The following IMMP2L variants were observed in gnomAD, a reference collection of about 807,000 sequenced individuals.
IMMP2L encodes inner mitochondrial membrane peptidase subunit 2.
IMMP2L carries 18 observed loss-of-function variants against 19.3 expected under a neutral mutation model. That is an observed-to-expected ratio of 0.93 (90% confidence interval 0.64 to 1.38). The LOEUF (loss-of-function observed/expected upper bound fraction) is 1.38, where lower values mean the gene tolerates loss of function less well. Ranked by LOEUF, IMMP2L falls within the 40% of genes most tolerant of loss-of-function variation. The pLI is 0.00. For missense variants in IMMP2L, 233 were observed against 218.2 expected, an observed-to-expected ratio of 1.07 and a Z score of -0.43; for synonymous variants, 76 against 73.0, an observed-to-expected ratio of 1.04 and a Z score of -0.21.
intron 3 of IMMP2L, among the ~76,000 whole-genome samples, chr7:111,103,481 A>G (rs372790740): frequency 6.6e-6 from 1 of 151,800 alleles, no homozygotes; most frequent in South Asian, 2.1e-4. Flanking sequence ...AGCGTGATAC[A>G]TTTTTAGAAT....
chr7:111,052,006 T>C (rs1793050754), intron 3 of IMMP2L, among the ~76,000 whole-genome samples: 1 of 152,196 alleles, frequency 6.6e-6, no homozygotes, highest in South Asian at 2.1e-4. Context: ...TAGGCACAAA[T>C]GACCAGCATT....
At chr7:110,801,049 T>C (rs1801203104) in intron 5 of IMMP2L, among the ~76,000 whole-genome samples, 1 of 152,238 alleles carries the variant, frequency 6.6e-6, no homozygotes, top group Non-Finnish European at 1.5e-5. Context: ...TTACAGCCCA[T>C]GGTTTAGTAG....
At chr7:110,878,916 T>G (rs1809351228) in intron 5 of IMMP2L, among the ~76,000 whole-genome samples, 1 of 152,190 alleles carries the variant, frequency 6.6e-6, no homozygotes, top group Non-Finnish European at 1.5e-5. Context: ...TTAGGAAAAG[T>G]AACATATTTC....
chr7:111,534,284 AAATT>A (rs1847672259), intron 1 of IMMP2L, among the ~76,000 whole-genome samples: 2 of 152,124 alleles, frequency 1.3e-5, no homozygotes, highest in Admixed American at 1.3e-4. Context: ...ATATGTAAAT[AAATT>A]ATGACATGCA....
At chr7:111,087,004 T>C (rs1002474303) in intron 3 of IMMP2L, among the ~76,000 whole-genome samples, 7 of 152,206 alleles carry the variant, frequency 4.6e-5, no homozygotes, top group Non-Finnish European at 7.3e-5. Context: ...CAAGTGAATA[T>C]TGAGTACCTT....
intron 5 of IMMP2L, among the ~76,000 whole-genome samples, chr7:110,717,204 T>C (rs1294150599): frequency 6.6e-6 from 1 of 152,112 alleles, no homozygotes; most frequent in Non-Finnish European, 1.5e-5. Context: ...AAGCCGGGCG[T>C]GGTGGCACAT....
chr7:111,535,828 G>A, intron 1 of IMMP2L, among the ~76,000 whole-genome samples: 1 of 152,198 alleles, frequency 6.6e-6, no homozygotes, highest in African/African-American at 2.4e-5. Flanking sequence ...ATGCTGTGGG[G>A]CCCTGGAAGC....
intron 3 of IMMP2L, among the ~76,000 whole-genome samples, chr7:111,455,091 T>C (rs1194626770): frequency 6.6e-6 from 1 of 151,936 alleles, no homozygotes; most frequent in Non-Finnish European, 1.5e-5. Context: ...ATTGTCTTTC[T>C]GCTACTTTAC....
At chr7:111,515,707 A>G (rs1220822565) in intron 2 of IMMP2L, among the ~76,000 whole-genome samples, 1 of 152,142 alleles carries the variant, frequency 6.6e-6, no homozygotes, top group African/African-American at 2.4e-5. Flanking sequence ...ATTTCCAGAT[A>G]GTCTAATCCC....
chr7:111,468,384 T>C (rs756114678), intron 3 of IMMP2L, among the ~76,000 whole-genome samples: 6 of 152,180 alleles, frequency 3.9e-5, no homozygotes, highest in Non-Finnish European at 5.9e-5. Context: ...AAATACATTG[T>C]ATTTGCCCAT....
chr7:111,511,462 T>G (rs144779525), intron 2 of IMMP2L, among the ~76,000 whole-genome samples: 3,026 of 151,736 alleles, frequency 0.02, 103 homozygotes, highest in African/African-American at 0.069. Flanking sequence ...CTGGGCAACA[T>G]GGTGAAACCC....
intron 2 of IMMP2L, among the ~76,000 whole-genome samples, chr7:111,516,314 T>G (rs1585464370): frequency 6.6e-6 from 1 of 151,944 alleles, no homozygotes; most frequent in African/African-American, 2.4e-5. Flanking sequence ...AATAAGATTT[T>G]TTGAGGGTAT....
At chr7:111,256,367 T>TTTAAATCTAACAG (rs1816697738) in intron 3 of IMMP2L, among the ~76,000 whole-genome samples, 1 of 152,092 alleles carries the variant, frequency 6.6e-6, no homozygotes, top group South Asian at 2.1e-4. Context: ...AAAAATAATG[T>TTTAAATCTAACAG]TTAAATCTAA....
At chr7:110,855,689 A>T (rs1806688904) in intron 5 of IMMP2L, among the ~76,000 whole-genome samples, 1 of 151,976 alleles carries the variant, frequency 6.6e-6, no homozygotes, top group Admixed American at 6.6e-5. Flanking sequence ...TTCCCAATCC[A>T]AATTTATCCC....
chr7:110,956,589 A>G (rs1461584538), intron 4 of IMMP2L, among the ~76,000 whole-genome samples: 1 of 151,920 alleles, frequency 6.6e-6, no homozygotes, highest in African/African-American at 2.4e-5. Flanking sequence ...TAACTCCCTC[A>G]TGTAACAGTA....
At chr7:111,349,099 G>GA (rs1157132232) in intron 3 of IMMP2L, among the ~76,000 whole-genome samples, 2 of 151,892 alleles carry the variant, frequency 1.3e-5, no homozygotes, top group Non-Finnish European at 2.9e-5. Flanking sequence ...TTGCCATGAG[G>GA]AAAAAAATGA....
intron 3 of IMMP2L, among the ~76,000 whole-genome samples, chr7:111,294,107 G>T (rs1053210644): frequency 6.6e-6 from 1 of 151,838 alleles, no homozygotes; most frequent in South Asian, 2.1e-4. Flanking sequence ...AATATTCAGA[G>T]ATCATTTACC....
intron 1 of IMMP2L, among the ~76,000 whole-genome samples, chr7:111,548,961 A>G (rs967329075): frequency 4.6e-5 from 7 of 152,178 alleles, no homozygotes; most frequent in African/African-American, 1.4e-4. Flanking sequence ...TGGAAGGAAG[A>G]CTAACATCTC....
chr7:110,797,622 T>C (rs1294719762), intron 5 of IMMP2L, among the ~76,000 whole-genome samples: 2 of 152,018 alleles, frequency 1.3e-5, no homozygotes, highest in African/African-American at 2.4e-5. Flanking sequence ...GTGAGCACAC[T>C]GGGTACTAGT....
Sources: allele counts gnomAD v4.1 joint callset (sites outside exome capture counted in the v4.1 genomes callset), GRCh38; gene constraint gnomAD v4.1.1; transcripts MANE v1.5; gene names NCBI Gene and HGNC (gene_info 2026-07-23, HGNC 2026-07-21).